The following ZNF385D variants were observed in gnomAD, a reference collection of about 807,000 sequenced individuals.
The protein encoded by ZNF385D is zinc finger protein 659.
A neutral mutation model predicts 35.8 loss-of-function variants in ZNF385D; 15 were observed. The observed-to-expected ratio is 0.42, with a 90% CI of 0.28 to 0.64. The LOEUF (loss-of-function observed/expected upper bound fraction) is 0.64. Among genes scored for constraint, ZNF385D ranks in the 30% least tolerant of loss-of-function variants. The probability of loss-of-function intolerance (pLI) is 0.23; values close to 1 mark genes in which losing one functional copy is unlikely to be tolerated. For synonymous variants in ZNF385D, 212 were observed against 186.8 expected, an observed-to-expected ratio of 1.13 and a Z score of -1.10; for missense variants, 474 against 494.6, an observed-to-expected ratio of 0.96 and a Z score of 0.39.
In ZNF385D at chr3:21,419,667, T is replaced by C. The variant is rs1306576314; in HGVS notation, c.*1547A>G. On this transcript the variant is annotated 3_prime_UTR_variant, in exon 8 of 8. Coordinates refer to ENST00000281523, the MANE Select transcript of ZNF385D (RefSeq NM_024697.3). ...ACTGGCTGCATCAAACCCCACCATT[T>C]TGATAGGTATATGTCAGCTTTCTAT... is the stretch of plus-strand genomic sequence containing the variant. The C allele has an allele frequency of 6.6e-6, 1 of 152,164 alleles. No homozygotes were observed. Among genetic ancestry groups the C allele is most frequent in the African/African-American group, 2.4e-5 (1 of 41,452 alleles). The allele number at this position is 152,164 out of a possible 1,614,324, so 9.4% of individuals were successfully genotyped here.
rs866198228 is a variant in ZNF385D, at chr3:22,311,006, G to A, written c.106+61444C>T. On this transcript the variant is annotated intron_variant, in intron 2 of 5. Coordinates refer to the ZNF385D transcript ENST00000494108. ...AATCTTTTCCTTTGTAGTATCATAC[G>A]ATGAATTGAATCATATGATACTACG... 1.2e-4 allele frequency among the ~76,000 whole-genome samples: 18 copies of A among 151,444 alleles called. No homozygotes were observed. In the South Asian group the frequency reaches 3.3e-3, roughly 28 times the overall value.
At chr3:22,137,191 T>C (rs1271286434) in intron 3 of ZNF385D, among the ~76,000 whole-genome samples, 1 of 152,050 alleles carries the variant, frequency 6.6e-6, no homozygotes, top group African/African-American at 2.4e-5. Context: ...TAAGAATAGT[T>C]CATTAAAAGT....
intron 2 of ZNF385D, among the ~76,000 whole-genome samples, chr3:21,599,138 G>C (rs1223762624): frequency 6.6e-6 from 1 of 152,176 alleles, no homozygotes; most frequent in Non-Finnish European, 1.5e-5. Context: ...TCTCATTGCA[G>C]ACTAACTTTG....
chr3:22,017,713 A>C (rs1046241236), intron 3 of ZNF385D, among the ~76,000 whole-genome samples: 1 of 151,924 alleles, frequency 6.6e-6, no homozygotes, highest in Non-Finnish European at 1.5e-5. Flanking sequence ...CAATGTCCTA[A>C]ATTTATAACA....
At chr3:22,102,813 C>G (rs779187) in intron 3 of ZNF385D, among the ~76,000 whole-genome samples, 17,700 of 151,128 alleles carry the variant, frequency 0.12, 1,317 homozygotes, top group Middle Eastern at 0.2. Context: ...CTGATCACTG[C>G]GAAAGGACTC....
chr3:21,861,440 T>G (rs947518336), intron 3 of ZNF385D, among the ~76,000 whole-genome samples: 7 of 152,214 alleles, frequency 4.6e-5, no homozygotes, highest in African/African-American at 1.7e-4. Context: ...TAATGTGACC[T>G]TGAAACAGGT....
chr3:22,227,102 T>C (rs578129497), intron 2 of ZNF385D, among the ~76,000 whole-genome samples: 57 of 152,286 alleles, frequency 3.7e-4, no homozygotes, highest in African/African-American at 1.4e-3. Flanking sequence ...CAGCTATTTG[T>C]ATATACATTA....
chr3:22,274,502 A>G lies in ZNF385D; in HGVS notation c.106+97948T>C, dbSNP rs1452026014. ...GGAAGCATGGATAATTCGACTTCCT[A>G]TAAATCACTTATGATTTTTAATGGC... On this transcript the variant is annotated intron_variant, in intron 2 of 5. Transcript: ENST00000494108. Among the ~76,000 whole-genome samples the G allele has an allele frequency of 2.0e-5, 3 of 152,012 alleles. No individual in the cohort carries two copies. The East Asian group carries it at 5.8e-4, about 29-fold the overall frequency.
intron 3 of ZNF385D, among the ~76,000 whole-genome samples, chr3:22,140,074 C>T (rs907494333): frequency 2.0e-5 from 3 of 152,176 alleles, no homozygotes; most frequent in African/African-American, 7.2e-5. Context: ...TATATTACCA[C>T]CCAACCCATC....
At chr3:21,689,130 CA>C (rs5847126) in intron 1 of ZNF385D, among the ~76,000 whole-genome samples, 29,254 of 114,160 alleles carry the variant, frequency 0.26, 2,678 homozygotes, top group South Asian at 0.36. Context: ...CTTATTGAAG[CA>C]AAAAAAAAAA....
At chr3:21,840,735 G>A (rs879933741) in intron 3 of ZNF385D, among the ~76,000 whole-genome samples, 1 of 151,896 alleles carries the variant, frequency 6.6e-6, no homozygotes, top group Admixed American at 6.6e-5. Flanking sequence ...TTATACATTT[G>A]CTTTTGGAAT....
At chr3:21,603,175 G>A (rs1332578406) in intron 2 of ZNF385D, among the ~76,000 whole-genome samples, 1 of 152,138 alleles carries the variant, frequency 6.6e-6, no homozygotes, top group African/African-American at 2.4e-5. Context: ...CATAATAAAT[G>A]GCCTCTCTTA....
intron 2 of ZNF385D, among the ~76,000 whole-genome samples, chr3:22,215,375 TTC>T (rs1293953966): frequency 2.0e-5 from 3 of 152,044 alleles, no homozygotes; most frequent in Non-Finnish European, 4.4e-5. Flanking sequence ...TATCGCTGAA[TTC>T]TTTTTCTCAG....
At chr3:22,029,703 G>A (rs1432797585) in intron 3 of ZNF385D, among the ~76,000 whole-genome samples, 1 of 152,006 alleles carries the variant, frequency 6.6e-6, no homozygotes, top group African/African-American at 2.4e-5. Context: ...TCACATTTAA[G>A]TGTTGTTAAC....
chr3:22,200,868 A>G (rs190137894), intron 2 of ZNF385D, among the ~76,000 whole-genome samples: 1 of 152,126 alleles, frequency 6.6e-6, no homozygotes, highest in Non-Finnish European at 1.5e-5. Context: ...GCTCTGTTCC[A>G]CCTGGCTCAC....
chr3:21,583,109 T>G (rs551312781), intron 2 of ZNF385D, among the ~76,000 whole-genome samples: 9 of 152,214 alleles, frequency 5.9e-5, no homozygotes, highest in African/African-American at 2.2e-4. Flanking sequence ...ATATATACAA[T>G]TTTTCGAAAA....
At chr3:21,657,908 G>C (rs2066120428) in intron 2 of ZNF385D, among the ~76,000 whole-genome samples, 1 of 151,952 alleles carries the variant, frequency 6.6e-6, no homozygotes, top group South Asian at 2.1e-4. Context: ...ATAAAATACA[G>C]AGCCAGAGAA....
At chr3:21,767,915 G>T (rs1295269167) in intron 3 of ZNF385D, among the ~76,000 whole-genome samples, 1 of 152,042 alleles carries the variant, frequency 6.6e-6, no homozygotes, top group African/African-American at 2.4e-5. Flanking sequence ...ATATCCAAAT[G>T]ATGTATCCTT....
intron 3 of ZNF385D, among the ~76,000 whole-genome samples, chr3:21,974,176 C>T (rs976907102): frequency 2.0e-4 from 30 of 151,794 alleles, no homozygotes; most frequent in South Asian, 2.1e-4. Flanking sequence ...CCAAATTATG[C>T]GACAGAGATA....
Sources: allele counts gnomAD v4.1 joint callset (sites outside exome capture counted in the v4.1 genomes callset), GRCh38; gene constraint gnomAD v4.1.1; transcripts MANE v1.5; gene names NCBI Gene and HGNC (gene_info 2026-07-23, HGNC 2026-07-21).